Variants in XKR4 observed in about 807,000 individuals in gnomAD.
XKR4 encodes XK-related protein 4.
In XKR4, 12 loss-of-function variants were observed where a neutral mutation model predicts 53.9. The ratio of observed to expected loss-of-function variants is 0.22; its 90% CI spans 0.14 to 0.36. The LOEUF (loss-of-function observed/expected upper bound fraction) is 0.36. XKR4 is among the 10% of genes least tolerant of loss of function. XKR4 has a pLI of 1.00. For missense variants in XKR4, 799 were observed against 859.5 expected (o/e 0.93, Z 0.88); for synonymous variants, 354 against 362.4 (o/e 0.98, Z 0.26).
At chr8:55,342,426 A>T (rs1160248790) in intron 1 of XKR4, among the ~76,000 whole-genome samples, 2 of 152,062 alleles carry the variant, frequency 1.3e-5, no homozygotes, top group Admixed American at 1.3e-4. Context: ...TCCTCATGAG[A>T]TGTTGGCCTC....
rs965580618 is a variant in XKR4 at position 55,534,722 on chromosome 8, C to T, written c.*10495C>T. On this transcript the variant is annotated 3_prime_UTR_variant, in exon 3 of 3. Coordinates refer to ENST00000327381, the MANE Select transcript of XKR4 (RefSeq NM_052898.2). ...TTTCACATAGAGGTAAACAGATCATCTCTTAATTTAATACATGGTTCTTTC... is the reference window on the plus strand; with the variant it reads ...TTTCACATAGAGGTAAACAGATCATTTCTTAATTTAATACATGGTTCTTTC... 1.3e-5 allele frequency: 2 copies of T among 150,664 alleles called. No homozygotes were observed. Among genetic ancestry groups the T allele is most frequent in the East Asian group, 3.9e-4 (2 of 5,152 alleles). 9.3% of individuals were successfully genotyped at this position (150,664 alleles called of 1,614,324 possible). A position where few individuals can be genotyped will look rare whatever the true frequency, so the allele number is the denominator to read the frequency against.
chr8:55,305,513 C>CAGA (rs145751546), intron 1 of XKR4, among the ~76,000 whole-genome samples: 2,727 of 152,212 alleles, frequency 0.018, 62 homozygotes, highest in African/African-American at 0.053. Flanking sequence ...GACTGGAAGG[C>CAGA]AGAAGATTCA....
chr8:55,443,864 G>GA lies in XKR4; in HGVS notation c.1007-79408dup, dbSNP rs1270711891. On this transcript the variant is annotated intron_variant, in intron 2 of 2. Coordinates refer to ENST00000327381, the MANE Select transcript of XKR4 (RefSeq NM_052898.2). Reference sequence around the variant, plus strand: ...CAAAAAAAAAAAAAAAGAAAGAAAAGAAAAAAAAAGAAAAAATCAAAATGG... The same window carrying GA: ...CAAAAAAAAAAAAAAAGAAAGAAAAGAAAAAAAAAAGAAAAAATCAAAATGG... Among the ~76,000 whole-genome samples, 13 of 133,992 alleles carry GA rather than the reference G, an allele frequency of 9.7e-5. No individual in the cohort carries two copies. The East Asian group carries it at 2.4e-3, about 25-fold the overall frequency. The allele number at this position is 133,992 out of a possible 152,430, so 87.9% of individuals were successfully genotyped here. A position where few individuals can be genotyped will look rare whatever the true frequency, so the allele number is the denominator to read the frequency against.
chr8:55,451,849 G>A, intron 2 of XKR4: 2 of 895,746 alleles, frequency 2.2e-6, no homozygotes, highest in East Asian at 5.1e-5. Flanking sequence ...GCCGTCCGAG[G>A]GCTTCAAGGC....
intron 2 of XKR4, among the ~76,000 whole-genome samples, chr8:55,495,016 C>T (rs1806321282): frequency 1.3e-5 from 2 of 151,630 alleles, no homozygotes; most frequent in Admixed American, 1.3e-4. Flanking sequence ...CTGAGGGGTG[C>T]TGGCAGGCCA....
intron 2 of XKR4, among the ~76,000 whole-genome samples, chr8:55,477,675 G>C (rs1806020185): frequency 6.7e-6 from 1 of 149,336 alleles, no homozygotes; most frequent in African/African-American, 2.5e-5. Flanking sequence ...TTAGATGAAT[G>C]GATAACTAGG....
chr8:55,410,089 T>TA (rs61035942), intron 2 of XKR4, among the ~76,000 whole-genome samples: 1,768 of 143,028 alleles, frequency 0.012, 11 homozygotes, highest in Middle Eastern at 0.05. Flanking sequence ...CATTTGCCTT[T>TA]AAAAAAAAAA....
At chr8:55,329,301 T>C (rs182029838) in intron 1 of XKR4, among the ~76,000 whole-genome samples, 18 of 152,266 alleles carry the variant, frequency 1.2e-4, no homozygotes, top group Non-Finnish European at 2.5e-4. Flanking sequence ...TGCCCACAGC[T>C]GCATGTAGCC....
intron 2 of XKR4, among the ~76,000 whole-genome samples, chr8:55,371,042 G>A (rs1447292438): frequency 6.6e-6 from 1 of 150,658 alleles, no homozygotes; most frequent in African/African-American, 2.4e-5. Context: ...CCTAGTGGTG[G>A]TCACTTTGAG....
intron 1 of XKR4, among the ~76,000 whole-genome samples, chr8:55,337,741 C>T (rs1392426804): frequency 1.3e-5 from 2 of 152,148 alleles, no homozygotes; most frequent in Non-Finnish European, 2.9e-5. Context: ...AATCTGAAAA[C>T]ATCACTGAAA....
Position 55,168,101 on chromosome 8 carries a change from T to C in XKR4, c.806+64807T>C, listed in dbSNP as rs565267887. Among the ~76,000 whole-genome samples, 7 of 152,294 alleles carry C rather than the reference T, an allele frequency of 4.6e-5. No individual in the cohort carries two copies. The South Asian group carries it at 1.5e-3, about 32-fold the overall frequency. On this transcript the variant is annotated intron_variant, in intron 1 of 2. Coordinates refer to ENST00000327381, the MANE Select transcript of XKR4 (RefSeq NM_052898.2). ...TTAGATTCTTTAAAAATAATAATCATTGTTTAAGAAGAGAATCGTACAGAA... is the reference window on the plus strand; with the variant it reads ...TTAGATTCTTTAAAAATAATAATCACTGTTTAAGAAGAGAATCGTACAGAA...
intron 1 of XKR4, among the ~76,000 whole-genome samples, chr8:55,189,475 G>T (rs1036768462): frequency 6.6e-6 from 1 of 152,148 alleles, no homozygotes; most frequent in Non-Finnish European, 1.5e-5. Context: ...CCTCCTACAC[G>T]CCTAGGCTAT....
intron 2 of XKR4, among the ~76,000 whole-genome samples, chr8:55,498,781 A>G (rs1806394821): frequency 6.6e-6 from 1 of 151,974 alleles, no homozygotes; most frequent in Non-Finnish European, 1.5e-5. Context: ...AGAGACAGAG[A>G]CAGAGAGAGA....
intron 2 of XKR4, among the ~76,000 whole-genome samples, chr8:55,478,203 T>C (rs11988849): frequency 0.34 from 52,186 of 152,032 alleles, 10,922 homozygotes; most frequent in African/African-American, 0.6. Flanking sequence ...GCGGATCTCT[T>C]GGCAGAAACT....
intron 2 of XKR4, among the ~76,000 whole-genome samples, chr8:55,449,346 G>C (rs1805391022): frequency 6.6e-6 from 1 of 152,118 alleles, no homozygotes; most frequent in Non-Finnish European, 1.5e-5. Flanking sequence ...CTGGCCGGGC[G>C]GTGCGGGGCA....
intron 2 of XKR4, among the ~76,000 whole-genome samples, chr8:55,489,129 T>A (rs1806237023): frequency 6.6e-6 from 1 of 152,186 alleles, no homozygotes; most frequent in Non-Finnish European, 1.5e-5. Context: ...TAAACCCTAA[T>A]GTAAACAGTA....
chr8:55,467,648 A>ATCAT (rs1156296330), intron 2 of XKR4, among the ~76,000 whole-genome samples: 1 of 152,178 alleles, frequency 6.6e-6, no homozygotes, highest in Non-Finnish European at 1.5e-5. Flanking sequence ...ACTGGGTATT[A>ATCAT]TCATTATGCT....
chr8:55,467,268 C>T lies in XKR4; in HGVS notation c.1007-56013C>T, dbSNP rs1267002192. The stretch of plus-strand genomic sequence containing the variant: ...GTTCCTGCTTGGTGTCACTTGCCTC[C>T]AGACTCTTTTTTAAAGAGCTCATTT... On this transcript the variant is annotated intron_variant, in intron 2 of 2. Coordinates refer to ENST00000327381, the MANE Select transcript of XKR4 (RefSeq NM_052898.2). Among the ~76,000 whole-genome samples the T allele has an allele frequency of 2.0e-5, 3 of 152,156 alleles. No homozygotes were observed. The East Asian group carries it at 5.8e-4, about 29-fold the overall frequency.
Position 55,357,764 on chromosome 8 carries a change from A to G in XKR4, c.893A>G (p.Glu298Gly). ...RWRFYWKMVY[E>G]YADVSMLHLL... ...AGGTTTTACTGGAAAATGGTATATG[A>G]GTATGCGGATGTGAGTATGCTGCAT... The change falls in exon 2 of 3, where the codon GAG (glutamate) becomes GGG (glycine). Residue 298 changes from glutamate (E) to glycine (G), a missense_variant. This residue lies in a region of XKR4 where 476 missense variants were observed against 505.4 expected (regional missense o/e 0.94). Transcript: ENST00000327381. 6.2e-7 allele frequency: 1 copy of G among 1,614,192 alleles called. No homozygotes were observed. Among genetic ancestry groups the G allele is most frequent in the South Asian group, 1.1e-5 (1 of 91,082 alleles).
Sources: gnomAD v4.1 joint callset for allele counts (sites outside exome capture counted in the v4.1 genomes callset) on GRCh38, gnomAD v4.1.1 for gene constraint, gnomAD v4.1.1 regional missense constraint, MANE v1.5 for transcripts, NCBI Gene and HGNC (gene_info 2026-07-23, HGNC 2026-07-21) for gene names.